ITGB8: variants seen among roughly 807,000 people sequenced by gnomAD.
ITGB8 encodes the protein integrin beta-8.
Under a neutral mutation model 89.5 loss-of-function variants are expected in ITGB8, and 30 were observed. That is an observed-to-expected ratio of 0.34 (90% CI 0.25 to 0.45). The LOEUF is 0.45. Among genes scored for constraint, ITGB8 ranks in the 20% least tolerant of loss-of-function variants. The pLI, the probability that ITGB8 is intolerant of heterozygous loss-of-function variation, is 1.00. For synonymous variants in ITGB8, 335 were observed against 320.4 expected, an observed-to-expected ratio of 1.05 and a Z score of -0.49; for missense variants, 836 against 933.3, an observed-to-expected ratio of 0.90 and a Z score of 1.36.
At chr7:20,361,345 G>A (rs1785497359) in intron 1 of ITGB8, among the ~76,000 whole-genome samples, 1 of 152,186 alleles carries the variant, frequency 6.6e-6, no homozygotes, top group African/African-American at 2.4e-5. Context: ...TAGTTCATCT[G>A]TACTGCTAAA....
Position 20,411,043 on chromosome 7 carries a change from T to C in ITGB8, c.*1046T>C, listed in dbSNP as rs1787741899. On this transcript the variant is annotated 3_prime_UTR_variant, in exon 14 of 14. Coordinates refer to ENST00000222573, the MANE Select transcript of ITGB8 (RefSeq NM_002214.3). ...TGAAAAGCTATATTATCTTCTCCCT[T>C]CAAGGCAGCCTAAGGATGTTCTTTC... is the stretch of plus-strand genomic sequence containing the variant. 1 of 152,024 alleles carries C rather than the reference T, an allele frequency of 6.6e-6. No homozygotes were observed. The highest frequency in any genetic ancestry group is 2.4e-5 in the African/African-American group (1 of 41,382). 9.4% of individuals were successfully genotyped at this position (152,024 alleles called of 1,614,324 possible).
At chr7:20,341,636 G>A (rs1562651616) in intron 1 of ITGB8, among the ~76,000 whole-genome samples, 1 of 152,230 alleles carries the variant, frequency 6.6e-6, no homozygotes, top group Non-Finnish European at 1.5e-5. Flanking sequence ...GGGGGCTCTT[G>A]AGCACGTGCC....
chr7:20,357,081 G>T (rs1256805427), intron 1 of ITGB8, among the ~76,000 whole-genome samples: 1 of 152,112 alleles, frequency 6.6e-6, no homozygotes, highest in East Asian at 1.9e-4. Flanking sequence ...AGCTATAGGG[G>T]TCATTTCACA....
chr7:20,372,143 C>A (rs1418769551), intron 3 of ITGB8, among the ~76,000 whole-genome samples: 1 of 152,074 alleles, frequency 6.6e-6, no homozygotes, highest in Non-Finnish European at 1.5e-5. Context: ...TAACTATATT[C>A]TTTTAAATGT....
intron 7 of ITGB8, among the ~76,000 whole-genome samples, chr7:20,393,274 A>T (rs1303567963): frequency 6.6e-6 from 1 of 152,182 alleles, no homozygotes; most frequent in Non-Finnish European, 1.5e-5. Flanking sequence ...CCATTAACTG[A>T]TAAACCATAA....
rs1787329349 is a variant in ITGB8 at position 20,401,921 on chromosome 7, T to G, written c.1482T>G (p.Cys494Trp). 1 of 1,614,012 alleles carries G rather than the reference T, an allele frequency of 6.2e-7. No homozygotes were observed. The highest frequency in any genetic ancestry group is 1.3e-5 in the African/African-American group (1 of 74,938). The change falls in exon 10 of 14, where the codon TGT becomes TGG. Residue 494 changes from cysteine to tryptophan, a missense_variant. Physicochemically the swap from Cys to Trp is radical, Grantham distance 215. Transcript: ENST00000222573. ...ETFLDSKCFQ[C>W]DENKCHFDED... ...TTCTAGATTCCAAGTGTTTCCAGTG[T>G]GATGAGAATAAATGTCATTTTGATG...
At chr7:20,378,693 G>A (rs1434527828) in intron 3 of ITGB8, among the ~76,000 whole-genome samples, 1 of 151,902 alleles carries the variant, frequency 6.6e-6, no homozygotes, top group Non-Finnish European at 1.5e-5. Context: ...CCGCTTGCTG[G>A]TTTGCACTGT....
chr7:20,378,641 C>A (rs1443970675), intron 3 of ITGB8, among the ~76,000 whole-genome samples: 1 of 152,244 alleles, frequency 6.6e-6, no homozygotes, highest in Non-Finnish European at 1.5e-5. Flanking sequence ...TTCCTCAAGT[C>A]ATTCCACACG....
At chr7:20,340,747 G>A (rs1221613869) in intron 1 of ITGB8, among the ~76,000 whole-genome samples, 1 of 152,120 alleles carries the variant, frequency 6.6e-6, no homozygotes, top group Non-Finnish European at 1.5e-5. Context: ...ACTGTTACAG[G>A]TACTAGGTAG....
intron 1 of ITGB8, among the ~76,000 whole-genome samples, chr7:20,349,178 A>C (rs1785030092): frequency 6.6e-6 from 1 of 152,116 alleles, no homozygotes; most frequent in Non-Finnish European, 1.5e-5. Flanking sequence ...TTTTTGTCTG[A>C]GTCTCCAAAT....
intron 3 of ITGB8, among the ~76,000 whole-genome samples, chr7:20,371,115 T>A (rs1011903273): frequency 6.6e-6 from 1 of 152,198 alleles, no homozygotes; most frequent in African/African-American, 2.4e-5. Context: ...ATTTTTATGA[T>A]GTTAGTTTGC....
chr7:20,344,273 ATACT>A (rs1238380050), intron 1 of ITGB8, among the ~76,000 whole-genome samples: 2 of 144,830 alleles, frequency 1.4e-5, no homozygotes, highest in East Asian at 4.1e-4. Flanking sequence ...CTAAAGATTG[ATACT>A]TAGTTTTAAT....
chr7:20,376,492 G>T (rs1310087967), intron 3 of ITGB8, among the ~76,000 whole-genome samples: 1 of 152,094 alleles, frequency 6.6e-6, no homozygotes, highest in Non-Finnish European at 1.5e-5. Flanking sequence ...GCTGCAAAAA[G>T]GTATTTCTAT....
chr7:20,349,361 G>A (rs1562656947), intron 1 of ITGB8, among the ~76,000 whole-genome samples: 1 of 151,494 alleles, frequency 6.6e-6, no homozygotes, highest in East Asian at 1.9e-4. Flanking sequence ...TGCGGTTTTT[G>A]ACATTACTTT....
chr7:20,339,118 T>C (rs1434153847), intron 1 of ITGB8, among the ~76,000 whole-genome samples: 1 of 147,176 alleles, frequency 6.8e-6, no homozygotes, highest in Non-Finnish European at 1.5e-5. Flanking sequence ...TTTGAACCCA[T>C]GAGATGGAGG....
chr7:20,388,304 T>C (rs974827766), intron 6 of ITGB8, among the ~76,000 whole-genome samples: 1 of 152,220 alleles, frequency 6.6e-6, no homozygotes, highest in Non-Finnish European at 1.5e-5. Flanking sequence ...CAATATGTAA[T>C]GGGTTAGACA....
At chr7:20,402,247 A>C in intron 10 of ITGB8, 121 bp downstream of exon 10, 1 of 878,162 alleles carries the variant, frequency 1.1e-6, no homozygotes, top group South Asian at 2.3e-5. Context: ...TGTTATTCAA[A>C]GTTTCAAAGT....
rs903527910 is a variant in ITGB8, at chr7:20,414,897, C to T, written c.*4900C>T. ...GGTTTCTTCTAGCCTCTGCAACCTA[C>T]TTCAGTTAGAATTGTCTAATACTGC... On this transcript the variant is annotated 3_prime_UTR_variant, in exon 14 of 14. Coordinates refer to ENST00000222573, the MANE Select transcript of ITGB8 (RefSeq NM_002214.3). The T allele has an allele frequency of 6.6e-6, 1 of 152,534 alleles. No homozygotes were observed. Among genetic ancestry groups the T allele is most frequent in the African/African-American group, 2.4e-5 (1 of 41,446 alleles). 9.4% of individuals were successfully genotyped at this position (152,534 alleles called of 1,614,324 possible).
At chr7:20,371,385 A>C (rs1368549411) in intron 3 of ITGB8, among the ~76,000 whole-genome samples, 1 of 152,174 alleles carries the variant, frequency 6.6e-6, no homozygotes, top group Non-Finnish European at 1.5e-5. Context: ...GAATACTTTT[A>C]AATTTTACTC....
Sources: gnomAD v4.1 joint callset for allele counts (sites outside exome capture counted in the v4.1 genomes callset) on GRCh38, gnomAD v4.1.1 for gene constraint, MANE v1.5 for transcripts, NCBI Gene and HGNC (gene_info 2026-07-23, HGNC 2026-07-21) for gene names.